Variants in USP38 observed in about 807,000 individuals in gnomAD.
USP38 encodes ubiquitin specific peptidase 38.
Under a neutral mutation model 94.3 loss-of-function variants are expected in USP38, and 49 were observed. That is an observed-to-expected ratio of 0.52 (90% confidence interval 0.41 to 0.66). USP38 has a LOEUF of 0.66. USP38 is among the 30% of genes least tolerant of loss of function. The probability of loss-of-function intolerance (pLI) is 0.00; values close to 1 mark genes in which losing one functional copy is unlikely to be tolerated. For missense variants in USP38, 1,128 were observed against 1,229.4 expected (o/e 0.92, Z 1.23); for synonymous variants, 468 against 463.6 (o/e 1.01, Z -0.12).
In USP38 at chr4:143,220,448, G is replaced by A. The variant is rs775266775; in HGVS notation, c.3121G>A (p.Val1041Ile). Reference sequence around the variant, plus strand: ...AGGATTTAATACAGTTGGCAGACTCGTATTTTGATCCTGAGAGAGTCCAAA... The same window carrying A: ...AGGATTTAATACAGTTGGCAGACTCATATTTTGATCCTGAGAGAGTCCAAA... ...GGGFNTVGRL[V>I]F The change falls in exon 10 of 10, where the codon GTA becomes ATA. Residue 1041 changes from valine to isoleucine, a missense_variant. Physicochemically the swap from Val to Ile is conservative, Grantham distance 29 (BLOSUM62 3). Transcript: ENST00000307017. 1.6e-5 allele frequency: 25 copies of A among 1,611,038 alleles called. No individual in the cohort carries two copies. The Admixed American group carries it at 2.4e-4, about 15-fold the overall frequency.
chr4:143,209,902 G>A (rs546568036), intron 7 of USP38, among the ~76,000 whole-genome samples: 22 of 151,872 alleles, frequency 1.4e-4, no homozygotes, highest in Admixed American at 8.5e-4. Flanking sequence ...TGAATATTAC[G>A]CTGACCCATT....
intron 3 of USP38, among the ~76,000 whole-genome samples, chr4:143,196,738 C>G (rs1490759223): frequency 6.6e-6 from 1 of 152,166 alleles, no homozygotes; most frequent in Non-Finnish European, 1.5e-5. Flanking sequence ...ATTTTTCTCC[C>G]TTGAACTCCA....
At position 143,213,757 on chromosome 4, in the gene USP38, T is replaced by G. The variant is rs1732094929; in HGVS notation, c.1781T>G (p.Leu594Arg). The change falls in exon 9 of 10, where the codon CTA becomes CGA. Residue 594 changes from leucine (L) to arginine (R), a missense_variant. Coordinates refer to ENST00000307017, the MANE Select transcript of USP38 (RefSeq NM_032557.6). Reference sequence around the variant, plus strand: ...ATAGAAAAAATGTTTGGAGGAAAACTACGAACTCACATACGTTGTTTGAAC... The same window carrying G: ...ATAGAAAAAATGTTTGGAGGAAAACGACGAACTCACATACGTTGTTTGAAC... ...TLIEKMFGGK[L>R]RTHIRCLNCR... The G allele has an allele frequency of 6.2e-7, 1 of 1,613,790 alleles. No individual in the cohort carries two copies. The highest frequency in any genetic ancestry group is 1.1e-5 in the South Asian group (1 of 91,074).
At chr4:143,210,727 G>A (rs907517297) in intron 7 of USP38, among the ~76,000 whole-genome samples, 6 of 151,714 alleles carry the variant, frequency 4.0e-5, no homozygotes, top group Admixed American at 2.6e-4. Context: ...ATCTCACAGA[G>A]GTCTAAAGGA....
chr4:143,206,331 T>A (rs900057934), intron 6 of USP38, 105 bp downstream of exon 6: 19 of 993,230 alleles, frequency 1.9e-5, no homozygotes, highest in Non-Finnish European at 2.3e-5. Flanking sequence ...ATAAATGGCA[T>A]AAATGTTAAC....
In USP38 at chr4:143,214,382, A is replaced by AT; in HGVS notation, c.2408dup (p.Leu803PhefsTer10). The AT allele has an allele frequency of 6.2e-7, 1 of 1,613,732 alleles. No individual in the cohort carries two copies. The highest frequency in any genetic ancestry group is 8.5e-7 in the Non-Finnish European group (1 of 1,179,830). On this transcript the variant is annotated frameshift_variant, in exon 9 of 10. Transcript: ENST00000307017. LOFTEE classifies it high-confidence loss of function. ...TTAAAAGAATTACTTCTTTCTCTTC[A>AT]TTGTCAGAAAGTTGGTCTGTAGATG...
At chr4:143,187,570 T>C (rs1345245374) in intron 1 of USP38, among the ~76,000 whole-genome samples, 1 of 152,204 alleles carries the variant, frequency 6.6e-6, no homozygotes, top group African/African-American at 2.4e-5. Context: ...TTAAAGTAAC[T>C]TATGGACTAA....
intron 7 of USP38, among the ~76,000 whole-genome samples, chr4:143,211,109 T>G (rs1266813652): frequency 1.3e-5 from 2 of 151,952 alleles, no homozygotes; most frequent in Non-Finnish European, 2.9e-5. Context: ...GATATATACT[T>G]TATTAACTTA....
chr4:143,210,643 T>A (rs956716813), intron 7 of USP38, among the ~76,000 whole-genome samples: 2 of 151,828 alleles, frequency 1.3e-5, no homozygotes, highest in African/African-American at 4.8e-5. Flanking sequence ...TTTGAGCCTA[T>A]ACACATGAGT....
In USP38 at chr4:143,214,427, T is replaced by G. The variant is rs1732125604; in HGVS notation, c.2451T>G (p.Ser817Arg). ...TAGATGTTGACTTCACTGATCTTAGTGAGAACCTTGCTAAAAAATTAAAGC... is the reference window on the plus strand; with the variant it reads ...TAGATGTTGACTTCACTGATCTTAGGGAGAACCTTGCTAAAAAATTAAAGC... ...WSVDVDFTDL[S>R]ENLAKKLKPS... The change falls in exon 9 of 10, where the codon AGT becomes AGG. Residue 817 changes from serine (S) to arginine (R), a missense_variant. Coordinates refer to ENST00000307017, the MANE Select transcript of USP38 (RefSeq NM_032557.6). 1.2e-6 allele frequency: 2 copies of G among 1,613,640 alleles called. No individual in the cohort carries two copies. The highest frequency in any genetic ancestry group is 2.7e-5 in the African/African-American group (2 of 74,908).
intron 6 of USP38, among the ~76,000 whole-genome samples, chr4:143,208,242 G>GA (rs538094003): frequency 9.7e-4 from 147 of 151,990 alleles, no homozygotes; most frequent in African/African-American, 3.4e-3. Context: ...AATTTAATGA[G>GA]ATTTAATAAA....
rs1386365286 is a variant in USP38 at position 143,185,698 on chromosome 4, C to A, written c.248C>A (p.Thr83Asn). Residue 83 changes from threonine to asparagine, a missense_variant, in exon 1 of 10, where the codon ACC (threonine) becomes AAC (asparagine). Transcript: ENST00000307017. ...GAGTTCGAGTCCTTCTTCAACAAGA[C>A]CTTCGTGTTGGGCCTCCTTCATCAG... ...RPEFESFFNK[T>N]FVLGLLHQGY... is the part of the protein sequence containing the mutation. 19 of 1,614,066 alleles carry A rather than the reference C, an allele frequency of 1.2e-5. No homozygotes were observed. Among genetic ancestry groups the A allele is most frequent in the Non-Finnish European group, 1.3e-5 (15 of 1,180,038 alleles).
intron 2 of USP38, among the ~76,000 whole-genome samples, chr4:143,193,195 T>G (rs961216741): frequency 1.3e-5 from 2 of 152,124 alleles, no homozygotes; most frequent in East Asian, 3.8e-4. Flanking sequence ...ACTAAAATTG[T>G]TTTTTAAAAA....
intron 2 of USP38, among the ~76,000 whole-genome samples, chr4:143,188,381 AT>A (rs1731293287): frequency 1.3e-5 from 2 of 151,496 alleles, no homozygotes; most frequent in African/African-American, 4.9e-5. Context: ...GCCTGTTTGA[AT>A]TTTTTTTCTT....
chr4:143,201,590 T>C (rs1731715952), intron 4 of USP38, among the ~76,000 whole-genome samples: 1 of 152,148 alleles, frequency 6.6e-6, no homozygotes, highest in Non-Finnish European at 1.5e-5. Context: ...ATCATCATAA[T>C]TCATCATAAG....
In USP38 at chr4:143,220,456, A is replaced by G; in HGVS notation, c.3129A>G (p.Ter1043TrpextTer2). 6.2e-7 allele frequency: 1 copy of G among 1,608,592 alleles called. No individual in the cohort carries two copies. The highest frequency in any genetic ancestry group is 1.1e-5 in the South Asian group (1 of 90,422). The change falls in exon 10 of 10, where the codon TGA (stop) becomes TGG (tryptophan). Residue 1043 changes from the stop codon to tryptophan, a stop_lost. Transcript: ENST00000307017. ...ATACAGTTGGCAGACTCGTATTTTG[A>G]TCCTGAGAGAGTCCAAAATGCACTG... is the stretch of plus-strand genomic sequence containing the variant. ...GFNTVGRLVF* is the reference protein window; with the variant it reads ...GFNTVGRLVFW
At position 143,214,291 on chromosome 4, in the gene USP38, A is replaced by G. The variant is rs1161710845; in HGVS notation, c.2315A>G (p.Gln772Arg). 1 of 1,613,072 alleles carries G rather than the reference A, an allele frequency of 6.2e-7. No homozygotes were observed. ...ILTLLRFSYDQKYHVRRKILD... is the reference protein window; with the variant it reads ...ILTLLRFSYDRKYHVRRKILD... ...ACTCTCCTGAGATTTTCATATGATC[A>G]GAAGTATCATGTGAGAAGGAAAATT... Residue 772 changes from glutamine to arginine, a missense_variant, in exon 9 of 10, where the codon CAG becomes CGG. By Grantham distance (43) the Gln-to-Arg change is conservative. Coordinates refer to ENST00000307017, the MANE Select transcript of USP38 (RefSeq NM_032557.6).
In USP38 at chr4:143,223,669, T is replaced by C. The variant is rs189067137; in HGVS notation, c.*3213T>C. 1 of 152,258 alleles carries C rather than the reference T, an allele frequency of 6.6e-6. No individual in the cohort carries two copies. Among genetic ancestry groups the C allele is most frequent in the East Asian group, 1.9e-4 (1 of 5,178 alleles). 9.4% of individuals were successfully genotyped at this position (152,258 alleles called of 1,614,324 possible). A position where few individuals can be genotyped will look rare whatever the true frequency, so the allele number is the denominator to read the frequency against. On this transcript the variant is annotated 3_prime_UTR_variant, in exon 10 of 10. Coordinates refer to ENST00000307017, the MANE Select transcript of USP38 (RefSeq NM_032557.6). The stretch of plus-strand genomic sequence containing the variant: ...TTACTGGAGATCTTCATTTTGATGC[T>C]TTGTACTTTGTTCCAGGTCTTTAAT...
rs1282257019 is a variant in USP38 at position 143,220,444 on chromosome 4, A to T, written c.3117A>T (p.Arg1039Ser). 1 of 1,610,942 alleles carries T rather than the reference A, an allele frequency of 6.2e-7. No homozygotes were observed. The highest frequency in any genetic ancestry group is 1.1e-5 in the South Asian group (1 of 90,788). ...GGGGGFNTVG[R>S]LVF The stretch of plus-strand genomic sequence containing the variant: ...GAGGAGGATTTAATACAGTTGGCAG[A>T]CTCGTATTTTGATCCTGAGAGAGTC... The change falls in exon 10 of 10, where the codon AGA becomes AGT. Residue 1039 changes from arginine to serine, a missense_variant. Arg to Ser is a moderately radical substitution (Grantham distance 110). Transcript: ENST00000307017.
Sources: gnomAD v4.1 joint callset for allele counts (sites outside exome capture counted in the v4.1 genomes callset) on GRCh38, gnomAD v4.1.1 for gene constraint, MANE v1.5 for transcripts, NCBI Gene and HGNC (gene_info 2026-07-23, HGNC 2026-07-21) for gene names.